The following BICDL1 variants were observed in gnomAD, a reference collection of about 807,000 sequenced individuals.
The protein encoded by BICDL1 is BICD family-like cargo adapter 1.
BICDL1 carries 20 observed loss-of-function variants against 76.8 expected under a neutral mutation model. The observed-to-expected ratio is 0.26, with a 90% CI of 0.18 to 0.38. BICDL1 has a LOEUF of 0.38. BICDL1 is among the 10% of genes least tolerant of loss of function. BICDL1 has a pLI of 1.00. For synonymous variants in BICDL1, 383 were observed against 337.1 expected (o/e 1.14, Z -1.49); for missense variants, 700 against 798.6 (o/e 0.88, Z 1.49).
At chr12:120,004,390 A>G (rs1177554295) in intron 2 of BICDL1, among the ~76,000 whole-genome samples, 3 of 152,106 alleles carry the variant, frequency 2.0e-5, no homozygotes, top group Non-Finnish European at 4.4e-5. Context: ...AGCATTGTAT[A>G]AAAAGGGCTG....
chr12:119,990,323 TGGGGAGCAGGGG>T (rs1951491481), intron 1 of BICDL1, 26 bp downstream of exon 1: 2 of 1,548,550 alleles, frequency 1.3e-6, no homozygotes, highest in East Asian at 4.9e-5. Context: ...CAGGGATGGG[TGGGGAGCAGGGG>T]CCGCCCAGGC....
chr12:120,052,103 G>A lies in BICDL1; in HGVS notation c.646-9607G>A, dbSNP rs540150924. Among the ~76,000 whole-genome samples the A allele has an allele frequency of 9.9e-5, 15 of 152,148 alleles. No individual in the cohort carries two copies. The East Asian group carries it at 2.9e-3, about 29-fold the overall frequency. On this transcript the variant is annotated intron_variant, in intron 2 of 9. Transcript: ENST00000548673. ...CTACAGTTGCCCGCCACCACACCCA[G>A]CTAATTTTTTTTGTATTTTTAGTAG...
In BICDL1 at chr12:120,024,723, C is replaced by T. The variant is rs1282907587; in HGVS notation, c.645+25987C>T. Among the ~76,000 whole-genome samples, 3 of 152,068 alleles carry T rather than the reference C, an allele frequency of 2.0e-5. No homozygotes were observed. In the East Asian group the frequency reaches 5.8e-4, roughly 29 times the overall value. On this transcript the variant is annotated intron_variant, in intron 2 of 9. Transcript: ENST00000548673. ...TCTTTTTTTTAACAGAGTCTCACTC[C>T]ATTGGCCAGGGTGGAGTGCAGTGGC...
At chr12:120,024,214 G>A (rs1952242085) in intron 2 of BICDL1, among the ~76,000 whole-genome samples, 1 of 152,146 alleles carries the variant, frequency 6.6e-6, no homozygotes, top group Non-Finnish European at 1.5e-5. Context: ...CTGGGATGGA[G>A]AGGTTGCAGT....
intron 2 of BICDL1, among the ~76,000 whole-genome samples, chr12:120,036,006 C>T (rs1788426620): frequency 6.6e-6 from 1 of 151,964 alleles, no homozygotes; most frequent in Non-Finnish European, 1.5e-5. Flanking sequence ...TTAGTTTTTA[C>T]AATTTATGTT....
intron 2 of BICDL1, among the ~76,000 whole-genome samples, chr12:120,013,713 C>T (rs1566215604): frequency 6.6e-6 from 1 of 152,150 alleles, no homozygotes; most frequent in East Asian, 1.9e-4. Flanking sequence ...CCGCCTGCCT[C>T]AGCCTCCCGA....
chr12:120,042,961 G>C (rs893801631), intron 2 of BICDL1, among the ~76,000 whole-genome samples: 1 of 152,174 alleles, frequency 6.6e-6, no homozygotes, highest in African/African-American at 2.4e-5. Flanking sequence ...CACAAGGGGT[G>C]TGTTTTCCCT....
At chr12:120,090,754 T>G in intron 9 of BICDL1, 1 of 508,002 alleles carries the variant, frequency 2.0e-6, no homozygotes, top group Non-Finnish European at 3.4e-6. Flanking sequence ...GGAGGGCAGG[T>G]TGTTGGTGAC....
chr12:120,069,895 T>C (rs532005145), intron 4 of BICDL1, among the ~76,000 whole-genome samples: 41 of 152,344 alleles, frequency 2.7e-4, no homozygotes, highest in South Asian at 4.1e-4. Context: ...TTTGGGAACG[T>C]TTTATAGACT....
chr12:120,039,906 A>G (rs1952604252), intron 2 of BICDL1, among the ~76,000 whole-genome samples: 1 of 152,136 alleles, frequency 6.6e-6, no homozygotes, highest in African/African-American at 2.4e-5. Flanking sequence ...GGGCTAATCC[A>G]TATTAGCATT....
intron 8 of BICDL1, among the ~76,000 whole-genome samples, chr12:120,081,220 T>C (rs1199058305): frequency 7.3e-6 from 1 of 136,802 alleles, no homozygotes; most frequent in Non-Finnish European, 1.6e-5. Flanking sequence ...TAGCTGTGCA[T>C]TTTTTGCAGC....
intron 8 of BICDL1, among the ~76,000 whole-genome samples, chr12:120,084,061 G>A (rs905730528): frequency 6.6e-6 from 1 of 151,732 alleles, no homozygotes; most frequent in African/African-American, 2.4e-5. Context: ...GGAGTGCAGT[G>A]GCATGATCTT....
chr12:119,994,863 C>T (rs76086629), intron 1 of BICDL1, among the ~76,000 whole-genome samples: 1,919 of 152,294 alleles, frequency 0.013, 41 homozygotes, highest in East Asian at 0.043. Flanking sequence ...TGCATATACC[C>T]TGCACCCAGC....
At chr12:120,004,054 G>A (rs1951809006) in intron 2 of BICDL1, among the ~76,000 whole-genome samples, 1 of 152,204 alleles carries the variant, frequency 6.6e-6, no homozygotes, top group African/African-American at 2.4e-5. Flanking sequence ...TTGGAAAGCT[G>A]AATGGTGATT....
chr12:120,087,274 C>G (rs1453255770), intron 8 of BICDL1, among the ~76,000 whole-genome samples: 4 of 152,226 alleles, frequency 2.6e-5, no homozygotes, highest in Admixed American at 1.3e-4. Context: ...CCGTCGCTGC[C>G]GCAGTGGGCG....
intron 2 of BICDL1, among the ~76,000 whole-genome samples, chr12:119,999,084 G>T (rs968744046): frequency 1.7e-5 from 2 of 118,150 alleles, no homozygotes; most frequent in South Asian, 2.9e-4. Context: ...AAAAAAAAAA[G>T]TTGAAATAGA....
intron 2 of BICDL1, among the ~76,000 whole-genome samples, chr12:120,015,369 C>T (rs1463172694): frequency 1.3e-5 from 2 of 152,142 alleles, no homozygotes; most frequent in African/African-American, 4.8e-5. Context: ...ACATTTCCAG[C>T]CCTGCCTCTT....
chr12:120,006,375 A>T (rs1458587037), intron 2 of BICDL1, among the ~76,000 whole-genome samples: 1 of 152,236 alleles, frequency 6.6e-6, no homozygotes, highest in African/African-American at 2.4e-5. Flanking sequence ...AAATACTTAT[A>T]ATGTGCACCT....
chr12:120,077,391 C>T (rs1873634844), intron 7 of BICDL1, among the ~76,000 whole-genome samples: 2 of 152,186 alleles, frequency 1.3e-5, no homozygotes, highest in South Asian at 4.1e-4. Context: ...CCCCAAGTGG[C>T]CCACCCCTCA....
Sources: allele counts gnomAD v4.1 joint callset (sites outside exome capture counted in the v4.1 genomes callset), GRCh38; gene constraint gnomAD v4.1.1; transcripts MANE v1.5; gene names NCBI Gene and HGNC (gene_info 2026-07-23, HGNC 2026-07-21).